STX8: variants seen among roughly 807,000 people sequenced by gnomAD.
STX8 encodes syntaxin 8.
STX8 carries 23 observed loss-of-function variants against 37.5 expected under a neutral mutation model. The ratio of observed to expected loss-of-function variants is 0.61; its 90% CI spans 0.44 to 0.87. The LOEUF is 0.87. STX8 is among the 40% of genes least tolerant of loss of function. The pLI is 0.00. For missense variants in STX8, 313 were observed against 284.7 expected, an observed-to-expected ratio of 1.10 and a Z score of -0.71; for synonymous variants, 115 against 99.1, an observed-to-expected ratio of 1.16 and a Z score of -0.95.
chr17:9,278,811 G>C (rs972200188), intron 7 of STX8, among the ~76,000 whole-genome samples: 3 of 151,974 alleles, frequency 2.0e-5, no homozygotes, highest in Non-Finnish European at 4.4e-5. Flanking sequence ...GGGTGCAGGG[G>C]GTACCGTGAG....
chr17:9,496,885 C>T (rs1192937820), intron 5 of STX8, among the ~76,000 whole-genome samples: 1 of 152,166 alleles, frequency 6.6e-6, no homozygotes, highest in Non-Finnish European at 1.5e-5. Context: ...GAATGAGCCT[C>T]CAGAAAAGAA....
intron 6 of STX8, among the ~76,000 whole-genome samples, chr17:9,476,067 T>C (rs1403027976): frequency 2.0e-5 from 3 of 152,118 alleles, no homozygotes. Flanking sequence ...TAATCCCAAC[T>C]ACTCAGGAGG....
intron 6 of STX8, among the ~76,000 whole-genome samples, chr17:9,380,738 A>C (rs1050411578): frequency 1.2e-5 from 1 of 84,008 alleles, no homozygotes; most frequent in Non-Finnish European, 2.3e-5. Context: ...TTTTAGAGGG[A>C]GTCTCACTCT....
At position 9,554,598 on chromosome 17, in the gene STX8, C is replaced by T. The variant is rs1053626337; in HGVS notation, c.212+2836G>A. 2.5e-4 allele frequency: 38 copies of T among 152,150 alleles called. 1 individual carries two copies. The highest frequency in any genetic ancestry group is 2.9e-5 in the Non-Finnish European group (2 of 68,072). The allele number at this position is 152,150 out of a possible 1,614,324, so 9.4% of individuals were successfully genotyped here. ...TCATAATATACAAGCTACCTCCTTT[C>T]CCTTACATCAAAAGTGGCCTCCGTG... is the stretch of plus-strand genomic sequence containing the variant. On this transcript the variant is annotated intron_variant, in intron 3 of 7. Coordinates refer to ENST00000306357, the MANE Select transcript of STX8 (RefSeq NM_004853.3).
At chr17:9,495,139 G>T (rs1904337178) in intron 5 of STX8, among the ~76,000 whole-genome samples, 1 of 151,994 alleles carries the variant, frequency 6.6e-6, no homozygotes. Context: ...TTAAACTAAC[G>T]GTGTGAGGTA....
chr17:9,451,755 A>G (rs1905047715), intron 6 of STX8, among the ~76,000 whole-genome samples: 1 of 151,318 alleles, frequency 6.6e-6, no homozygotes, highest in Non-Finnish European at 1.5e-5. Context: ...TGCAATTTAA[A>G]TATATTCATA....
At chr17:9,373,990 T>C (rs1911500513) in intron 7 of STX8, among the ~76,000 whole-genome samples, 1 of 151,428 alleles carries the variant, frequency 6.6e-6, no homozygotes, top group South Asian at 2.1e-4. Context: ...AGTGAGACTC[T>C]ATCTCTAGAA....
intron 5 of STX8, among the ~76,000 whole-genome samples, chr17:9,497,554 T>G (rs1904452551): frequency 6.6e-6 from 1 of 152,200 alleles, no homozygotes; most frequent in Admixed American, 6.5e-5. Context: ...TGACAATCAC[T>G]GAGGCTGGAG....
At chr17:9,403,327 G>C (rs970682765) in intron 6 of STX8, among the ~76,000 whole-genome samples, 1 of 152,164 alleles carries the variant, frequency 6.6e-6, no homozygotes, top group African/African-American at 2.4e-5. Flanking sequence ...AGGGCATAAA[G>C]AAATAAAATC....
At position 9,446,893 on chromosome 17, in the gene STX8, T is replaced by C. The variant is rs372683071; in HGVS notation, c.541+44936A>G. On this transcript the variant is annotated intron_variant, in intron 6 of 7. Coordinates refer to ENST00000306357, the MANE Select transcript of STX8 (RefSeq NM_004853.3). Reference sequence around the variant, plus strand: ...GAGACAGCTTATTATGCCACCTGTATTGCACTATTTGTTAGTATTTTAATA... The same window carrying C: ...GAGACAGCTTATTATGCCACCTGTACTGCACTATTTGTTAGTATTTTAATA... Among the ~76,000 whole-genome samples the C allele has an allele frequency of 7.2e-5, 11 of 152,240 alleles. No individual in the cohort carries two copies. The East Asian group carries it at 1.5e-3, about 21-fold the overall frequency.
intron 6 of STX8, among the ~76,000 whole-genome samples, chr17:9,423,418 C>T (rs899510952): frequency 4.6e-5 from 7 of 152,154 alleles, no homozygotes; most frequent in African/African-American, 1.4e-4. Flanking sequence ...CTCTGCCTCC[C>T]GGGTTCAAGC....
intron 7 of STX8, among the ~76,000 whole-genome samples, chr17:9,272,631 C>T (rs1907509321): frequency 1.3e-5 from 2 of 152,238 alleles, no homozygotes; most frequent in South Asian, 4.1e-4. Context: ...AAAGCACAGA[C>T]AACCTCTCCA....
intron 7 of STX8, among the ~76,000 whole-genome samples, chr17:9,272,632 A>C (rs1907509472): frequency 6.6e-6 from 1 of 152,212 alleles, no homozygotes; most frequent in Admixed American, 6.5e-5. Context: ...AAGCACAGAC[A>C]ACCTCTCCAT....
chr17:9,426,299 G>C (rs1913626748), intron 6 of STX8, among the ~76,000 whole-genome samples: 2 of 152,094 alleles, frequency 1.3e-5, no homozygotes, highest in Admixed American at 1.3e-4. Context: ...GGCCAAGGTG[G>C]GTGGATCACC....
At chr17:9,369,886 C>CAAAAAAAAAAAAAA (rs60178482) in intron 7 of STX8, among the ~76,000 whole-genome samples, 7 of 52,132 alleles carry the variant, frequency 1.3e-4, no homozygotes, top group Admixed American at 2.8e-4. Flanking sequence ...GACCCTGTAC[C>CAAAAAAAAAAAAAA]AAAAAAAAAA....
rs1386716824 is a variant in STX8, at chr17:9,565,633, AAT to A, written c.117+2736_117+2737del. Reference sequence around the variant, plus strand: ...GTCTCAAAAAAAAAAAAAAAAAAAAAATAGAGTACCCAGAAATAAGGCCACAC... The same window carrying A: ...GTCTCAAAAAAAAAAAAAAAAAAAAAAGAGTACCCAGAAATAAGGCCACAC... On this transcript the variant is annotated intron_variant, in intron 2 of 7. Coordinates refer to ENST00000306357, the MANE Select transcript of STX8 (RefSeq NM_004853.3). 4.2e-3 allele frequency among the ~76,000 whole-genome samples: 628 copies of A among 150,740 alleles called. 3 individuals are homozygous for A. Among genetic ancestry groups the A allele is most frequent in the Middle Eastern group, 7.0e-3 (2 of 286 alleles).
At chr17:9,268,528 C>A (rs1907313818) in intron 7 of STX8, among the ~76,000 whole-genome samples, 1 of 152,138 alleles carries the variant, frequency 6.6e-6, no homozygotes, top group Non-Finnish European at 1.5e-5. Flanking sequence ...CAGTGATGTC[C>A]CCCCGATTCA....
intron 7 of STX8, among the ~76,000 whole-genome samples, chr17:9,324,765 C>CAAAAAAA (rs534392223): frequency 8.7e-5 from 4 of 45,924 alleles, no homozygotes; most frequent in Admixed American, 2.4e-4. Flanking sequence ...AACTCCATCT[C>CAAAAAAA]AAAAAAAAAA....
At position 9,568,370 on chromosome 17, in the gene STX8, C is replaced by A. The variant is rs1436403910; in HGVS notation, c.117+1G>T. The A allele has an allele frequency of 6.2e-7, 1 of 1,608,406 alleles. No homozygotes were observed. Among genetic ancestry groups the A allele is most frequent in the Admixed American group, 1.7e-5 (1 of 59,814 alleles). ...GGGTACTAATTCCTTCATGGTATTA[C>A]CTTTGGTGCCTTTTCACCTTTTCTT... On this transcript the variant is annotated splice_donor_variant, in intron 2 of 7. Coordinates refer to ENST00000306357, the MANE Select transcript of STX8 (RefSeq NM_004853.3). LOFTEE classifies it high-confidence loss of function.
Sources: allele counts gnomAD v4.1 joint callset (sites outside exome capture counted in the v4.1 genomes callset), GRCh38; gene constraint gnomAD v4.1.1; transcripts MANE v1.5; gene names NCBI Gene and HGNC (gene_info 2026-07-23, HGNC 2026-07-21).